The following SMPD2 variants were observed in gnomAD, a reference collection of about 807,000 sequenced individuals.
SMPD2 encodes N-SMase.
SMPD2 carries 35 observed loss-of-function variants against 41.7 expected under a neutral mutation model. The observed-to-expected ratio is 0.84, with a 90% CI of 0.64 to 1.11. The LOEUF (loss-of-function observed/expected upper bound fraction) is 1.11, where lower values mean the gene tolerates loss of function less well. SMPD2 is among the 50% of genes most tolerant of loss of function. The pLI is 0.00. For synonymous variants in SMPD2, 201 were observed against 208.2 expected (o/e 0.97, Z 0.30); for missense variants, 520 against 524.8 (o/e 0.99, Z 0.09).
rs1775067132 is a variant in SMPD2, at chr6:109,443,763, A to G, written c.1130A>G (p.Gln377Arg). ...WAGAFYLFHV[Q>R]EVNGLYRAQA... ...GGTGCATTCTACCTCTTCCACGTAC[A>G]GGAGGTCAATGGCTTATATAGGGCC... Residue 377 changes from glutamine (Q) to arginine (R), a missense_variant, in exon 10 of 10, where the codon CAG (glutamine) becomes CGG (arginine). Physicochemically the swap from Gln to Arg is conservative, Grantham distance 43. Transcript: ENST00000258052. 1 of 1,614,170 alleles carries G rather than the reference A, an allele frequency of 6.2e-7. No individual in the cohort carries two copies. The highest frequency in any genetic ancestry group is 8.5e-7 in the Non-Finnish European group (1 of 1,180,012).
In SMPD2 at chr6:109,442,805, A is replaced by C; in HGVS notation, c.545A>C (p.His182Pro). The C allele has an allele frequency of 6.2e-7, 1 of 1,614,132 alleles. No individual in the cohort carries two copies. Among genetic ancestry groups the C allele is most frequent in the Non-Finnish European group, 8.5e-7 (1 of 1,180,040 alleles). ...VVLLCGDLNM[H>P]PEDLGCCLLK... ...CTGTTGTGTGGAGACCTCAACATGC[A>C]CCCAGAAGACCTGGGCTGCTGCCTG... Residue 182 changes from histidine to proline, a missense_variant, in exon 7 of 10, where the codon CAC becomes CCC. By Grantham distance (77) the His-to-Pro change is moderately conservative. Coordinates refer to ENST00000258052, the MANE Select transcript of SMPD2 (RefSeq NM_003080.3).
chr6:109,441,948 GTTA>G (rs1774915648), intron 3 of SMPD2, 23 bp from the exon 4 acceptor site: 7 of 1,604,772 alleles, frequency 4.4e-6, no homozygotes, highest in Non-Finnish European at 6.0e-6. Flanking sequence ...TGTTTTTCTG[GTTA>G]TTAAGCAGGG....
Position 109,443,322 on chromosome 6 carries a change from A to T in SMPD2, c.785A>T (p.Asp262Val), listed in dbSNP as rs1775034971. 1.2e-6 allele frequency: 2 copies of T among 1,613,722 alleles called. No individual in the cohort carries two copies. The highest frequency in any genetic ancestry group is 8.5e-7 in the Non-Finnish European group (1 of 1,179,882). ...CKSFETTTGFDPHRGTPLSDH... is the reference protein window; with the variant it reads ...CKSFETTTGFVPHRGTPLSDH... ...AGTTTTGAAACCACTACAGGCTTTG[A>T]CCCTCACAGGGGCACCCCCCTCTCT... Residue 262 changes from aspartate (D) to valine (V), a missense_variant, in exon 9 of 10, where the codon GAC becomes GTC. Coordinates refer to ENST00000258052, the MANE Select transcript of SMPD2 (RefSeq NM_003080.3).
rs373981313 is a variant in SMPD2, at chr6:109,442,585, C to A, written c.451C>A (p.His151Asn). 3.7e-6 allele frequency: 6 copies of A among 1,614,044 alleles called. No individual in the cohort carries two copies. Among genetic ancestry groups the A allele is most frequent in the Non-Finnish European group, 5.1e-6 (6 of 1,180,030 alleles). ...YNRQKDIYLAHRVAQAWELAQ... is the reference protein window; with the variant it reads ...YNRQKDIYLANRVAQAWELAQ... Reference sequence around the variant, plus strand: ...TCGACAGAAGGACATCTACCTAGCACATCGTGTGGCCCAAGCTTGGGAATT... The same window carrying A: ...TCGACAGAAGGACATCTACCTAGCAAATCGTGTGGCCCAAGCTTGGGAATT... The change falls in exon 6 of 10, where the codon CAT (histidine) becomes AAT (asparagine). Residue 151 changes from histidine (H) to asparagine (N), a missense_variant. Coordinates refer to ENST00000258052, the MANE Select transcript of SMPD2 (RefSeq NM_003080.3).
rs184211112 is a variant in SMPD2, at chr6:109,441,335, G to A, written c.51-22G>A. The A allele has an allele frequency of 1.8e-4, 293 of 1,611,008 alleles. No individual in the cohort carries two copies. The African/African-American group carries it at 3.4e-3, about 19-fold the overall frequency. On this transcript the variant is annotated intron_variant, in intron 1 of 9. Transcript: ENST00000258052. The stretch of plus-strand genomic sequence containing the variant: ...GGTGGTCCCAGCAGTCGCCTCCCCT[G>A]CCCCGCTCTTCCCTTCCTTAGGGGC...
chr6:109,440,886 C>G lies in SMPD2; in HGVS notation c.-236C>G. On this transcript the variant is annotated 5_prime_UTR_variant, in exon 1 of 10. Transcript: ENST00000258052. ...TTACCGAGCCTGGGCGCCCGGATTT[C>G]GGCAGCGGATCGCCTTTCCGGGTTG... 1 of 549,112 alleles carries G rather than the reference C, an allele frequency of 1.8e-6. No individual in the cohort carries two copies. Among genetic ancestry groups the G allele is most frequent in the East Asian group, 3.3e-5 (1 of 30,012 alleles). 34.0% of individuals were successfully genotyped at this position (549,112 alleles called of 1,614,324 possible).
Position 109,443,313 on chromosome 6 carries a change from C to T in SMPD2, c.776C>T (p.Thr259Ile), listed in dbSNP as rs199811581. Residue 259 changes from threonine (T) to isoleucine (I), a missense_variant, in exon 9 of 10, where the codon ACA becomes ATA. Coordinates refer to ENST00000258052, the MANE Select transcript of SMPD2 (RefSeq NM_003080.3). ...YISCKSFETT[T>I]GFDPHRGTPL... is the part of the protein sequence containing the mutation. ...TCCTGTAAGAGTTTTGAAACCACTA[C>T]AGGCTTTGACCCTCACAGGGGCACC... is the stretch of plus-strand genomic sequence containing the variant. 4 of 1,614,112 alleles carry T rather than the reference C, an allele frequency of 2.5e-6. No homozygotes were observed. The East Asian group carries it at 6.7e-5, about 27-fold the overall frequency.
In SMPD2 at chr6:109,443,899, A is replaced by G. The variant is rs1241713587; in HGVS notation, c.1266A>G (p.Glu422=). Residue 422 remains glutamate (E), a synonymous_variant, in exon 10 of 10, where the codon GAA becomes GAG. Coordinates refer to ENST00000258052, the MANE Select transcript of SMPD2 (RefSeq NM_003080.3). Reference sequence around the variant, plus strand: ...AGCAGGAGGGGGACAGAACTAAAGAACAATAAAGCTTGGCCCTTTAGTGGC... The same window carrying G: ...AGCAGGAGGGGGACAGAACTAAAGAGCAATAAAGCTTGGCCCTTTAGTGGC... ...LGQQEGDRTK[E]Q 2 of 1,603,052 alleles carry G rather than the reference A, an allele frequency of 1.2e-6. No homozygotes were observed. Among genetic ancestry groups the G allele is most frequent in the East Asian group, 2.2e-5 (1 of 44,714 alleles).
intron 5 of SMPD2, 35 bp downstream of exon 5, chr6:109,442,334 T>C: frequency 6.4e-7 from 1 of 1,566,906 alleles, no homozygotes; most frequent in Non-Finnish European, 8.8e-7. Flanking sequence ...GGCTGGGACA[T>C]GCAGCCCAGT....
rs1435495057 is a variant in SMPD2, at chr6:109,442,053, G to A, written c.304G>A (p.Gly102Ser). Reference sequence around the variant, plus strand: ...TACCCAGCACATCTACACTCTCAATGGCTACCCCTACATGGTAAGGCAGAC... The same window carrying A: ...TACCCAGCACATCTACACTCTCAATAGCTACCCCTACATGGTAAGGCAGAC... ...ELTQHIYTLN[G>S]YPYMIHHGDW... The change falls in exon 4 of 10, where the codon GGC becomes AGC. Residue 102 changes from glycine to serine, a missense_variant. Physicochemically the swap from Gly to Ser is moderately conservative, Grantham distance 56 (BLOSUM62 0). Transcript: ENST00000258052. 6.2e-7 allele frequency: 1 copy of A among 1,612,894 alleles called. No homozygotes were observed. Among genetic ancestry groups the A allele is most frequent in the East Asian group, 2.2e-5 (1 of 44,888 alleles).
chr6:109,442,676 AG>A (rs1239495300), intron 6 of SMPD2, 51 bp downstream of exon 6: 1 of 1,614,142 alleles, frequency 6.2e-7, no homozygotes, highest in African/African-American at 1.3e-5. Flanking sequence ...CCAGGGGCTG[AG>A]GGTGAACAAG....
Position 109,443,416 on chromosome 6 carries a change from C to G in SMPD2, c.879C>G (p.Thr293=). The change falls in exon 9 of 10, where the codon ACC becomes ACG. Residue 293 remains threonine (T), a synonymous_variant. Coordinates refer to ENST00000258052, the MANE Select transcript of SMPD2 (RefSeq NM_003080.3). ...HSPPQQNPSS[T]HGPAERSPLM... ...CCCCACAGCAGAACCCCAGCTCTAC[C>G]CACGGTGAGTCACCCCCACCCTTTC... is the stretch of plus-strand genomic sequence containing the variant. 1 of 1,613,792 alleles carries G rather than the reference C, an allele frequency of 6.2e-7. No individual in the cohort carries two copies. The highest frequency in any genetic ancestry group is 1.3e-5 in the African/African-American group (1 of 75,034).
chr6:109,443,489 C>T, intron 9 of SMPD2, 28 bp from the exon 10 acceptor site: 2 of 1,608,568 alleles, frequency 1.2e-6, no homozygotes, highest in South Asian at 2.2e-5. Flanking sequence ...TTGACTCTCT[C>T]CTGCCCCACT....
chr6:109,441,767 C>A (rs1359348517), intron 3 of SMPD2, 139 bp downstream of exon 3: 3 of 931,034 alleles, frequency 3.2e-6, no homozygotes, highest in Non-Finnish European at 5.2e-6. Flanking sequence ...GAAGGGTGAA[C>A]CAAGAAGGTC....
At position 109,441,365 on chromosome 6, in the gene SMPD2, C is replaced by T. The variant is rs758916713; in HGVS notation, c.59C>T (p.Pro20Leu). ...RIFNLNCWGI[P>L]YLSKHRADRM... is the part of the protein sequence containing the mutation. ...GCTCTTCCCTTCCTTAGGGGCATTC[C>T]GTACTTGAGCAAGCACCGGGCCGAC... is the stretch of plus-strand genomic sequence containing the variant. The change falls in exon 2 of 10, where the codon CCG becomes CTG. Residue 20 changes from proline to leucine, a missense_variant. Coordinates refer to ENST00000258052, the MANE Select transcript of SMPD2 (RefSeq NM_003080.3). 7.4e-6 allele frequency: 12 copies of T among 1,613,880 alleles called. No homozygotes were observed. The highest frequency in any genetic ancestry group is 6.7e-5 in the East Asian group (3 of 44,876).
At chr6:109,443,119 G>C in intron 8 of SMPD2, 38 bp downstream of exon 8, 1 of 1,569,222 alleles carries the variant, frequency 6.4e-7, no homozygotes, top group Non-Finnish European at 8.8e-7. Context: ...CATATGCTGT[G>C]TCTCTTTGTC....
In SMPD2 at chr6:109,443,655, T is replaced by G. The variant is rs751547078; in HGVS notation, c.1022T>G (p.Leu341Arg). The G allele has an allele frequency of 2.5e-6, 4 of 1,613,664 alleles. No homozygotes were observed. Among genetic ancestry groups the G allele is most frequent in the South Asian group, 2.2e-5 (2 of 91,084 alleles). ...IGLGLLLLAL[L>R]CVLAAGGGAG... ...CTGGGGCTGCTTCTCCTGGCACTGC[T>G]GTGTGTCCTGGCGGCTGGAGGAGGG... Residue 341 changes from leucine to arginine, a missense_variant, in exon 10 of 10, where the codon CTG becomes CGG. Leu to Arg is a moderately radical substitution (Grantham distance 102, BLOSUM62 -2). Coordinates refer to ENST00000258052, the MANE Select transcript of SMPD2 (RefSeq NM_003080.3).
At chr6:109,442,932 C>G (rs751683955) in intron 7 of SMPD2, 45 bp from the exon 8 acceptor site, 17 of 1,610,032 alleles carry the variant, frequency 1.1e-5, no homozygotes, top group African/African-American at 4.0e-5. Flanking sequence ...AGCTTCTCTC[C>G]CTCCTTCTCC....
rs781671880 is a variant in SMPD2, at chr6:109,442,739, C to G, written c.492-13C>G. 1 of 1,603,900 alleles carries G rather than the reference C, an allele frequency of 6.2e-7. No individual in the cohort carries two copies. Among genetic ancestry groups the G allele is most frequent in the Non-Finnish European group, 8.5e-7 (1 of 1,179,534 alleles). Reference sequence around the variant, plus strand: ...ATGGAAGAACTCCCGCCTCACCAACCTGGTTCCCCCAGCCACACATCCAAG... The same window carrying G: ...ATGGAAGAACTCCCGCCTCACCAACGTGGTTCCCCCAGCCACACATCCAAG... On this transcript the variant is annotated splice_polypyrimidine_tract_variant and intron_variant, in intron 6 of 9. Coordinates refer to ENST00000258052, the MANE Select transcript of SMPD2 (RefSeq NM_003080.3).
Sources: gnomAD v4.1 joint callset for allele counts on GRCh38, gnomAD v4.1.1 for gene constraint, MANE v1.5 for transcripts, NCBI Gene and HGNC (gene_info 2026-07-23, HGNC 2026-07-21) for gene names.